Variants in PRDM4 observed in about 807,000 individuals in gnomAD.
PRDM4 encodes PR/SET domain 4.
In PRDM4, 38 loss-of-function variants were observed where a neutral mutation model predicts 62.3. That is an observed-to-expected ratio of 0.61 (90% CI 0.47 to 0.80). The LOEUF is 0.80. PRDM4 is among the 30% of genes least tolerant of loss of function. The probability of loss-of-function intolerance (pLI) is 0.00; values close to 1 mark genes in which losing one functional copy is unlikely to be tolerated. For missense variants in PRDM4, 858 were observed against 997.1 expected (o/e 0.86, Z 1.88); for synonymous variants, 339 against 348.2 (o/e 0.97, Z 0.30).
At chr12:107,754,145 A>G in intron 3 of PRDM4, 36 bp from the exon 4 acceptor site, 1 of 1,483,816 alleles carries the variant, frequency 6.7e-7, no homozygotes. Flanking sequence ...GTTAAAAGAA[A>G]ATAGGTAATT....
chr12:107,747,683 TCTG>T (rs1349603978), intron 5 of PRDM4, among the ~76,000 whole-genome samples: 22 of 152,188 alleles, frequency 1.4e-4, no homozygotes, highest in Non-Finnish European at 2.8e-4. Flanking sequence ...CACTTTCCAC[TCTG>T]CTAAGGAACA....
chr12:107,756,910 C>T lies in PRDM4; in HGVS notation c.67G>A (p.Val23Met), dbSNP rs151094666. The T allele has an allele frequency of 3.1e-6, 5 of 1,614,148 alleles. No homozygotes were observed. Among genetic ancestry groups the T allele is most frequent in the Non-Finnish European group, 4.2e-6 (5 of 1,180,022 alleles). The stretch of plus-strand genomic sequence containing the variant: ...CCTGAGACTGGCAAGGCATTGCTCA[C>T]AGAGGATGAAGTCAGCTGCTCCATC... ...VGMEQLTSSS[V>M]SNALPVSGSH... Residue 23 changes from valine to methionine, a missense_variant, in exon 3 of 12, where the codon GTG becomes ATG. Coordinates refer to ENST00000228437, the MANE Select transcript of PRDM4 (RefSeq NM_012406.4).
rs1374637720 is a variant in PRDM4 at position 107,751,778 on chromosome 12, T to G, written c.763A>C (p.Ile255Leu). ...TCCAGGCCATTCCCATGCATGGGTATCACACCACCATGTCCTACAGCGTCT... is the reference window on the plus strand; with the variant it reads ...TCCAGGCCATTCCCATGCATGGGTAGCACACCACCATGTCCTACAGCGTCT... Reference protein sequence around the residue: ...AADAVGHGGVIPMHGNGLELP... With the variant: ...AADAVGHGGVLPMHGNGLELP... Residue 255 changes from isoleucine to leucine, a missense_variant, in exon 5 of 12, where the codon ATA (isoleucine) becomes CTA (leucine). Transcript: ENST00000228437. 1 of 1,614,220 alleles carries G rather than the reference T, an allele frequency of 6.2e-7. No individual in the cohort carries two copies. Among genetic ancestry groups the G allele is most frequent in the Admixed American group, 1.7e-5 (1 of 60,022 alleles).
At chr12:107,735,808 C>T (rs1890310662) in intron 11 of PRDM4, among the ~76,000 whole-genome samples, 1 of 150,884 alleles carries the variant, frequency 6.6e-6, no homozygotes, top group Non-Finnish European at 1.5e-5. Flanking sequence ...TATGAAAGCC[C>T]AATATGAAAC....
chr12:107,752,127 T>A lies in PRDM4; in HGVS notation c.414A>T (p.Leu138Phe). The A allele has an allele frequency of 1.9e-6, 3 of 1,601,042 alleles. No individual in the cohort carries two copies. The highest frequency in any genetic ancestry group is 2.6e-6 in the Non-Finnish European group (3 of 1,168,100). The change falls in exon 5 of 12, where the codon TTA (leucine) becomes TTT (phenylalanine). Residue 138 changes from leucine (L) to phenylalanine (F), a missense_variant. Leu to Phe is a conservative substitution (Grantham distance 22). This residue lies in a region of PRDM4 where 499 missense variants were observed against 546.7 expected (regional missense o/e 0.91). Transcript: ENST00000228437. ...NSINVDGNTALSITNNPSALD... is the reference protein window; with the variant it reads ...NSINVDGNTAFSITNNPSALD... The stretch of plus-strand genomic sequence containing the variant: ...GTGCTGAAGGGTTATTGGTGATAGA[T>A]AATGCTGTATTACCATCAACATTTA...
chr12:107,734,092 G>T lies in PRDM4; in HGVS notation c.*118C>A. The T allele has an allele frequency of 9.4e-7, 1 of 1,064,170 alleles. No individual in the cohort carries two copies. Among genetic ancestry groups the T allele is most frequent in the Non-Finnish European group, 1.3e-6 (1 of 744,954 alleles). The allele number at this position is 1,064,170 out of a possible 1,614,324, so 65.9% of individuals were successfully genotyped here. A position where few individuals can be genotyped will look rare whatever the true frequency, so the allele number is the denominator to read the frequency against. On this transcript the variant is annotated 3_prime_UTR_variant, in exon 12 of 12. Coordinates refer to ENST00000228437, the MANE Select transcript of PRDM4 (RefSeq NM_012406.4). ...GCTTTATTCATTCCCAGTCTGTTTT[G>T]ATTACTGGCTGAAAATAAATCAGGA...
chr12:107,755,549 A>C (rs1222445416), intron 3 of PRDM4, among the ~76,000 whole-genome samples: 1 of 152,152 alleles, frequency 6.6e-6, no homozygotes, highest in Non-Finnish European at 1.5e-5. Flanking sequence ...GTTTCAATGA[A>C]TCTTATTTAA....
intron 10 of PRDM4, 114 bp downstream of exon 10, chr12:107,740,832 T>A (rs1436613512): frequency 8.9e-7 from 1 of 1,120,330 alleles, no homozygotes; most frequent in African/African-American, 1.6e-5. Flanking sequence ...ACCACGAAGG[T>A]TTCTTTCTCT....
In PRDM4 at chr12:107,751,991, G is replaced by A. The variant is rs1267564874; in HGVS notation, c.550C>T (p.His184Tyr). ...ATTGCTGTGTCCAAGGCCACCTCAT[G>A]GCCATCACTGGGATGAAGACTTTGG... Reference protein sequence around the residue: ...GAQSLHPSDGHEVALDTAITM... With the variant: ...GAQSLHPSDGYEVALDTAITM... Residue 184 changes from histidine to tyrosine, a missense_variant, in exon 5 of 12, where the codon CAT becomes TAT. His to Tyr is a moderately conservative substitution (Grantham distance 83). This residue lies in a region of PRDM4 where 499 missense variants were observed against 546.7 expected (regional missense o/e 0.91). Transcript: ENST00000228437. 6.2e-7 allele frequency: 1 copy of A among 1,614,218 alleles called. No homozygotes were observed. The highest frequency in any genetic ancestry group is 1.1e-5 in the South Asian group (1 of 91,088).
intron 10 of PRDM4, 76 bp downstream of exon 10, chr12:107,740,870 T>C (rs1890494926): frequency 7.1e-7 from 1 of 1,417,624 alleles, no homozygotes. Flanking sequence ...CCACCTACAA[T>C]CCCTCTACAA....
Position 107,751,428 on chromosome 12 carries a change from G to A in PRDM4, c.1113C>T (p.Thr371=), listed in dbSNP as rs1890889333. 1 of 1,602,874 alleles carries A rather than the reference G, an allele frequency of 6.2e-7. No individual in the cohort carries two copies. The highest frequency in any genetic ancestry group is 8.5e-7 in the Non-Finnish European group (1 of 1,170,622). The part of the protein sequence containing the change: ...DSNSNKENMA[T]LFTIWCTLCD... ...AAACACACTCACAAATTGTAAACAA[G>A]GTTGCCATGTTCTCCTTGTTTGAAT... Residue 371 remains threonine, a synonymous_variant, in exon 5 of 12, where the codon ACC becomes ACT. Coordinates refer to ENST00000228437, the MANE Select transcript of PRDM4 (RefSeq NM_012406.4).
intron 9 of PRDM4, among the ~76,000 whole-genome samples, chr12:107,742,011 G>T (rs999962863): frequency 6.6e-5 from 10 of 152,126 alleles, no homozygotes; most frequent in Admixed American, 2.0e-4. Context: ...ATAAAAGACC[G>T]TATCATATGA....
At chr12:107,751,135 C>T (rs973238448) in intron 5 of PRDM4, among the ~76,000 whole-genome samples, 6 of 152,210 alleles carry the variant, frequency 3.9e-5, no homozygotes, top group African/African-American at 1.4e-4. Flanking sequence ...GCACACACTA[C>T]CGCATGTGCT....
chr12:107,759,588 G>A (rs1342569509), intron 2 of PRDM4, among the ~76,000 whole-genome samples: 1 of 152,278 alleles, frequency 6.6e-6, no homozygotes, highest in South Asian at 2.1e-4. Context: ...AGTTTAATGC[G>A]AGAGGCTCAG....
chr12:107,749,693 T>G (rs558510860), intron 5 of PRDM4, among the ~76,000 whole-genome samples: 1 of 152,282 alleles, frequency 6.6e-6, no homozygotes, highest in African/African-American at 2.4e-5. Context: ...CTACTCTAGA[T>G]TGGTGAGAAT....
chr12:107,739,582 AG>A (rs780518614), intron 10 of PRDM4, 31 bp from the exon 11 acceptor site: 5 of 1,597,270 alleles, frequency 3.1e-6, no homozygotes, highest in African/African-American at 2.7e-5. Flanking sequence ...TACACCGTGA[AG>A]AAAACAACTG....
intron 5 of PRDM4, among the ~76,000 whole-genome samples, chr12:107,750,356 AAC>A (rs1433074837): frequency 6.6e-6 from 1 of 152,088 alleles, no homozygotes; most frequent in Non-Finnish European, 1.5e-5. Flanking sequence ...CAGCCAAGGC[AAC>A]ACAGTGAGAC....
rs897702897 is a variant in PRDM4, at chr12:107,744,616, G to A, written c.1322C>T (p.Pro441Leu). The change falls in exon 7 of 12, where the codon CCT (proline) becomes CTT (leucine). Residue 441 changes from proline to leucine, a missense_variant. Pro to Leu is a moderately conservative substitution (Grantham distance 98). Around this residue, in one of 3 missense-constraint regions of PRDM4, gnomAD observed 4 missense variants for 17.8 expected, o/e 0.23. Coordinates refer to ENST00000228437, the MANE Select transcript of PRDM4 (RefSeq NM_012406.4). ...GGAGTGACTCTGCTGGCCAATTAGAGGTCCAAAGCAAGTCCGCACAGGAAT... is the reference window on the plus strand; with the variant it reads ...GGAGTGACTCTGCTGGCCAATTAGAAGTCCAAAGCAAGTCCGCACAGGAAT... ...ETIPVRTCFG[P>L]LIGQQSHSME... The A allele has an allele frequency of 6.2e-7, 1 of 1,613,714 alleles. No individual in the cohort carries two copies. The highest frequency in any genetic ancestry group is 1.3e-5 in the African/African-American group (1 of 74,922).
chr12:107,736,912 G>A (rs908214430), intron 11 of PRDM4: 12 of 152,264 alleles, frequency 7.9e-5, no homozygotes, highest in African/African-American at 2.7e-4. Flanking sequence ...GCCATTTAAT[G>A]AGCTGCTCAG....
Sources: gnomAD v4.1 joint callset for allele counts (sites outside exome capture counted in the v4.1 genomes callset) on GRCh38, gnomAD v4.1.1 for gene constraint, gnomAD v4.1.1 regional missense constraint, MANE v1.5 for transcripts, NCBI Gene and HGNC (gene_info 2026-07-23, HGNC 2026-07-21) for gene names.